NDUFB2: variants seen among roughly 807,000 people sequenced by gnomAD.
NDUFB2 encodes NADH:ubiquinone oxidoreductase subunit B2, also known as NADH dehydrogenase [ubiquinone] 1 beta subcomplex subunit 2, mitochondrial.
In NDUFB2, 13 loss-of-function variants were observed where a neutral mutation model predicts 13.4. The observed-to-expected ratio is 0.97, with a 90% CI of 0.63 to 1.54. NDUFB2 has a LOEUF of 1.54. Among genes scored for constraint, NDUFB2 ranks in the 40% most tolerant of loss-of-function variants. The pLI is 0.00. For missense variants in NDUFB2, 150 were observed against 139.7 expected, an observed-to-expected ratio of 1.07 and a Z score of -0.37; for synonymous variants, 47 against 50.6, an observed-to-expected ratio of 0.93 and a Z score of 0.30.
At position 140,706,020 on chromosome 7, in the gene NDUFB2, T is replaced by TTG. The variant is rs1417005686; in HGVS notation, c.*30-542_*30-541insGT. On this transcript the variant is annotated intron_variant, in intron 3 of 3. Transcript: ENST00000247866. ...TATTTTATATTTTATTTTATTTTAT[T>TTG]TTATTTTAGTTTGTTATGTTATGTT... 762 of 150,302 alleles carry TTG rather than the reference T, an allele frequency of 5.1e-3. 7 individuals carry two copies. The highest frequency in any genetic ancestry group is 0.018 in the African/African-American group (727 of 40,170). 9.3% of individuals were successfully genotyped at this position (150,302 alleles called of 1,614,324 possible). A position where few individuals can be genotyped will look rare whatever the true frequency, so the allele number is the denominator to read the frequency against.
intron 1 of NDUFB2, chr7:140,702,013 T>G: frequency 2.8e-6 from 2 of 701,906 alleles, no homozygotes. Flanking sequence ...CACGAATCTG[T>G]GCATTATGAA....
intron 1 of NDUFB2, chr7:140,697,172 C>T: frequency 3.4e-6 from 2 of 593,846 alleles, no homozygotes; most frequent in Non-Finnish European, 6.0e-6. Context: ...GAGGAAGCAG[C>T]GTGCGCGGCG....
intron 1 of NDUFB2, chr7:140,701,730 C>G (rs550119792): frequency 1.8e-5 from 4 of 218,340 alleles, no homozygotes; most frequent in Non-Finnish European, 3.6e-5. Flanking sequence ...GTCAGGAGTT[C>G]GAGACCAGTC....
In NDUFB2 at chr7:140,702,898, A is replaced by G. The variant is rs138243115; in HGVS notation, c.131A>G (p.Tyr44Cys). The G allele has an allele frequency of 1.9e-4, 299 of 1,613,974 alleles. No homozygotes were observed. The highest frequency in any genetic ancestry group is 2.3e-4 in the Non-Finnish European group (267 of 1,180,048). ...GGTGGTGTGCACATTGAGCCCCGGT[A>G]TAGACAGTTCCCCCAGCTGACCAGA... ...AGGGVHIEPR[Y>C]RQFPQLTRSQ... The change falls in exon 2 of 4, where the codon TAT (tyrosine) becomes TGT (cysteine). Residue 44 changes from tyrosine (Y) to cysteine (C), a missense_variant. By Grantham distance (194) the Tyr-to-Cys change is radical. Coordinates refer to ENST00000247866, the MANE Select transcript of NDUFB2 (RefSeq NM_004546.3).
chr7:140,697,034 C>T, intron 1 of NDUFB2, 192 bp downstream of exon 1: 1 of 610,562 alleles, frequency 1.6e-6, no homozygotes, highest in Non-Finnish European at 2.9e-6. Context: ...GAGGGAGAGA[C>T]TTCGCTGGGC....
In NDUFB2 at chr7:140,702,846, C is replaced by T; in HGVS notation, c.99-20C>T. Reference sequence around the variant, plus strand: ...TTTGAGAATGTAGCACGCTGTCTGCCATGTTGTTTTGTCTTGCAGTGCCGG... The same window carrying T: ...TTTGAGAATGTAGCACGCTGTCTGCTATGTTGTTTTGTCTTGCAGTGCCGG... On this transcript the variant is annotated intron_variant, in intron 1 of 3. Coordinates refer to ENST00000247866, the MANE Select transcript of NDUFB2 (RefSeq NM_004546.3). 1 of 1,613,162 alleles carries T rather than the reference C, an allele frequency of 6.2e-7. No homozygotes were observed. The highest frequency in any genetic ancestry group is 8.5e-7 in the Non-Finnish European group (1 of 1,179,432).
chr7:140,705,080 G>A (rs1040284426), intron 3 of NDUFB2, 117 bp downstream of exon 3: 5 of 448,304 alleles, frequency 1.1e-5, no homozygotes, highest in Non-Finnish European at 1.5e-5. Context: ...ATGAAGTTGA[G>A]TTAACCATGT....
At chr7:140,698,411 T>C in intron 1 of NDUFB2, 1 of 1,088,756 alleles carries the variant, frequency 9.2e-7, no homozygotes, top group Non-Finnish European at 1.2e-6. Context: ...AAGTGTACAT[T>C]CTGGAGAGGA....
intron 1 of NDUFB2, chr7:140,697,120 AGCGGGCTGAGCCAGTCGGCGCCGGC>A (rs1794820416): frequency 3.4e-6 from 2 of 588,072 alleles, no homozygotes; most frequent in East Asian, 2.9e-5. Context: ...GTGAATGCGG[AGCGGGCTGAGCCAGTCGGCGCCGGC>A]GCGGGCGGTC....
Position 140,703,026 on chromosome 7 carries a change from G to A in NDUFB2, c.243+16G>A. 6.2e-7 allele frequency: 1 copy of A among 1,611,258 alleles called. No homozygotes were observed. The highest frequency in any genetic ancestry group is 8.5e-7 in the Non-Finnish European group (1 of 1,177,834). On this transcript the variant is annotated intron_variant, in intron 2 of 3. Coordinates refer to ENST00000247866, the MANE Select transcript of NDUFB2 (RefSeq NM_004546.3). ...AGAGGTGCTGGTAAGTGCAGGAGAAGAGCACTTGTCGTTTTTTGGGTGGGG... is the reference window on the plus strand; with the variant it reads ...AGAGGTGCTGGTAAGTGCAGGAGAAAAGCACTTGTCGTTTTTTGGGTGGGG...
At chr7:140,698,713 A>T (rs1794853658) in intron 1 of NDUFB2, among the ~76,000 whole-genome samples, 1 of 152,066 alleles carries the variant, frequency 6.6e-6, no homozygotes, top group South Asian at 2.1e-4. Flanking sequence ...AGTGGAGCGT[A>T]GGGGAAGAGT....
At chr7:140,703,261 G>C (rs888099851) in intron 2 of NDUFB2, among the ~76,000 whole-genome samples, 2 of 149,110 alleles carry the variant, frequency 1.3e-5, no homozygotes, top group Admixed American at 1.3e-4. Flanking sequence ...ATCTTAGGGA[G>C]ACTAAAAGCT....
chr7:140,698,821 A>C (rs1794855552), intron 1 of NDUFB2, among the ~76,000 whole-genome samples: 1 of 152,166 alleles, frequency 6.6e-6, no homozygotes, highest in Non-Finnish European at 1.5e-5. Context: ...GAGCCATTGG[A>C]GTTTTAAAGC....
intron 3 of NDUFB2, 22 bp downstream of exon 3, chr7:140,704,985 T>G: frequency 7.7e-7 from 1 of 1,290,772 alleles, no homozygotes; most frequent in Non-Finnish European, 1.1e-6. Flanking sequence ...CCAAATTTCT[T>G]TATGTCATAT....
At position 140,706,031 on chromosome 7, in the gene NDUFB2, T is replaced by TA. The variant is rs1554492454; in HGVS notation, c.*30-532_*30-531insA. On this transcript the variant is annotated intron_variant, in intron 3 of 3. Transcript: ENST00000247866. The stretch of plus-strand genomic sequence containing the variant: ...TTATTTTATTTTATTTTATTTTAGT[T>TA]TGTTATGTTATGTTATGTTATGTTA... 198 of 141,890 alleles carry TA rather than the reference T, an allele frequency of 1.4e-3. 2 individuals carry two copies. The highest frequency in any genetic ancestry group is 6.5e-3 in the East Asian group (33 of 5,074). The allele number at this position is 141,890 out of a possible 1,614,324, so 8.8% of individuals were successfully genotyped here.
Position 140,704,995 on chromosome 7 carries a change from T to C in NDUFB2, c.*29+32T>C, listed in dbSNP as rs559014291. On this transcript the variant is annotated intron_variant, in intron 3 of 3. Transcript: ENST00000247866. ...GTGCTCCAAATTTCTTTATGTCATA[T>C]TTACCTTTTTTCATAAACATTAGTT... The C allele has an allele frequency of 1.4e-5, 17 of 1,207,756 alleles. No homozygotes were observed. In the South Asian group the frequency reaches 2.3e-4, roughly 16 times the overall value. The allele number at this position is 1,207,756 out of a possible 1,614,324, so 74.8% of individuals were successfully genotyped here.
chr7:140,700,328 G>C (rs995995314), intron 1 of NDUFB2: 13 of 151,648 alleles, frequency 8.6e-5, no homozygotes, highest in African/African-American at 2.9e-4. Context: ...TTTCCACGTT[G>C]GTCAGGGTGG....
intron 2 of NDUFB2, among the ~76,000 whole-genome samples, chr7:140,704,056 G>C (rs1475114050): frequency 2.0e-5 from 3 of 152,116 alleles, no homozygotes; most frequent in South Asian, 4.1e-4. Flanking sequence ...CGCCCGGCCA[G>C]TTTTAGTGAT....
intron 1 of NDUFB2, 105 bp from the exon 2 acceptor site, chr7:140,702,761 T>C: frequency 2.4e-6 from 3 of 1,266,088 alleles, no homozygotes; most frequent in Non-Finnish European, 3.3e-6. Flanking sequence ...TCAGTGGAGA[T>C]GAGAAACATT....
Sources: allele counts gnomAD v4.1 joint callset (sites outside exome capture counted in the v4.1 genomes callset), GRCh38; gene constraint gnomAD v4.1.1; transcripts MANE v1.5; gene names NCBI Gene and HGNC (gene_info 2026-07-23, HGNC 2026-07-21).